Variants in RTTN observed in about 807,000 individuals in gnomAD.
The protein encoded by RTTN is rotatin.
A neutral mutation model predicts 269.2 loss-of-function variants in RTTN; 182 were observed. The ratio of observed to expected loss-of-function variants is 0.68; its 90% CI spans 0.60 to 0.76. The LOEUF is 0.76. Among genes scored for constraint, RTTN ranks in the 30% least tolerant of loss-of-function variants. RTTN has a pLI of 0.00. For synonymous variants in RTTN, 1,006 were observed against 963.5 expected (o/e 1.04, Z -0.82); for missense variants, 2,545 against 2,608.6 (o/e 0.98, Z 0.53).
intron 35 of RTTN, among the ~76,000 whole-genome samples, chr18:70,065,076 T>C (rs1415774757): frequency 6.6e-6 from 1 of 152,096 alleles, no homozygotes; most frequent in Non-Finnish European, 1.5e-5. Flanking sequence ...GTTTAGGAAA[T>C]TATTGGAACA....
At chr18:70,128,734 A>G (rs1349125786) in intron 23 of RTTN, 188 bp from the exon 24 acceptor site, 4 of 541,894 alleles carry the variant, frequency 7.4e-6, no homozygotes, top group East Asian at 6.1e-5. Flanking sequence ...CATCTCCTCT[A>G]AACTCCCCAG....
In RTTN at chr18:70,017,652, A is replaced by T; in HGVS notation, c.6176T>A (p.Leu2059His). The T allele has an allele frequency of 6.2e-7, 1 of 1,612,278 alleles. No homozygotes were observed. Among genetic ancestry groups the T allele is most frequent in the Non-Finnish European group, 8.5e-7 (1 of 1,179,074 alleles). ...IQKSNFLQNF[L>H]SLALPKGGNK... ...TCCTCCTTTTGGCAATGCTAGAGAGAGGAAGTTCTGTAAGAAGTTACTCTG... is the reference window on the plus strand; with the variant it reads ...TCCTCCTTTTGGCAATGCTAGAGAGTGGAAGTTCTGTAAGAAGTTACTCTG... The change falls in exon 46 of 49, where the codon CTC (leucine) becomes CAC (histidine). Residue 2059 changes from leucine to histidine, a missense_variant. By Grantham distance (99) the Leu-to-His change is moderately conservative. Coordinates refer to ENST00000640769, the MANE Select transcript of RTTN (RefSeq NM_173630.4).
chr18:70,190,219 CA>C (rs565249813), intron 9 of RTTN, among the ~76,000 whole-genome samples: 17 of 126,182 alleles, frequency 1.3e-4, no homozygotes, highest in East Asian at 2.2e-4. Context: ...CCATACAGTC[CA>C]AAAAAAAAAG....
chr18:70,097,343 C>A (rs961528312), intron 28 of RTTN, among the ~76,000 whole-genome samples: 1 of 152,162 alleles, frequency 6.6e-6, no homozygotes, highest in Non-Finnish European at 1.5e-5. Context: ...ATCATTTGGA[C>A]CAACAATGAC....
At chr18:70,193,164 G>A (rs1262246625) in intron 8 of RTTN, 124 bp downstream of exon 8, 1 of 898,920 alleles carries the variant, frequency 1.1e-6, no homozygotes, top group Non-Finnish European at 1.6e-6. Context: ...GCCTATACCT[G>A]TGTTAATGTT....
At chr18:70,093,505 G>A (rs2058910214) in intron 28 of RTTN, among the ~76,000 whole-genome samples, 1 of 152,082 alleles carries the variant, frequency 6.6e-6, no homozygotes, top group Non-Finnish European at 1.5e-5. Flanking sequence ...AGAATTTTTA[G>A]CATGAAGAGA....
rs954264911 is a variant in RTTN, at chr18:70,027,631, ATATT to A, written c.5823+1089_5823+1092del. ...AACTGCACATACACATGAAATTTAT[ATATT>A]TAAATTTACACACAAATACTGACTG... On this transcript the variant is annotated intron_variant, in intron 43 of 48. Coordinates refer to ENST00000640769, the MANE Select transcript of RTTN (RefSeq NM_173630.4). Among the ~76,000 whole-genome samples the A allele has an allele frequency of 7.2e-5, 11 of 152,334 alleles. 1 individual carries two copies. In the South Asian group the frequency reaches 1.7e-3, roughly 23 times the overall value.
intron 12 of RTTN, 99 bp downstream of exon 12, chr18:70,168,756 G>A (rs1317556719): frequency 9.1e-6 from 8 of 879,434 alleles, no homozygotes; most frequent in Admixed American, 7.2e-5. Flanking sequence ...TATCCCACCT[G>A]TGACAATTTA....
rs140389946 is a variant in RTTN at position 70,077,980 on chromosome 18, C to A, written c.4375-2439G>T. ...CAATTTCTGGAAAGATAAAATATAACACACAAAAAAAGGAAATTCATCTTA... is the reference window on the plus strand; with the variant it reads ...CAATTTCTGGAAAGATAAAATATAAAACACAAAAAAAGGAAATTCATCTTA... On this transcript the variant is annotated intron_variant, in intron 32 of 48. Coordinates refer to ENST00000640769, the MANE Select transcript of RTTN (RefSeq NM_173630.4). Among the ~76,000 whole-genome samples the A allele has an allele frequency of 2.2e-4, 33 of 151,316 alleles. No individual in the cohort carries two copies. In the East Asian group the frequency reaches 6.2e-3, roughly 29 times the overall value.
At chr18:70,189,843 T>G (rs910253738) in intron 9 of RTTN, among the ~76,000 whole-genome samples, 2 of 152,246 alleles carry the variant, frequency 1.3e-5, no homozygotes, top group African/African-American at 4.8e-5. Context: ...TCAGCAGACC[T>G]CTGTCATATT....
chr18:70,064,607 A>G (rs747479860), intron 35 of RTTN, among the ~76,000 whole-genome samples: 2 of 152,216 alleles, frequency 1.3e-5, no homozygotes, highest in Non-Finnish European at 2.9e-5. Context: ...ATATGATTCC[A>G]TTCATACAAA....
intron 23 of RTTN, among the ~76,000 whole-genome samples, chr18:70,132,383 C>T (rs2060020032): frequency 1.3e-5 from 2 of 151,928 alleles, no homozygotes; most frequent in Non-Finnish European, 2.9e-5. Context: ...TTTTAAAAAG[C>T]TGACCATATG....
At chr18:70,013,300 A>T (rs544836621) in intron 46 of RTTN, among the ~76,000 whole-genome samples, 2 of 147,012 alleles carry the variant, frequency 1.4e-5, no homozygotes, top group African/African-American at 5.4e-5. Flanking sequence ...AGAATATATA[A>T]CTCCTCTGAT....
chr18:70,016,507 G>A (rs1357826276), intron 46 of RTTN, among the ~76,000 whole-genome samples: 1 of 152,198 alleles, frequency 6.6e-6, no homozygotes. Context: ...CAGGTGTGTA[G>A]GGGTCTGGAG....
chr18:70,035,243 C>T (rs1408132098), intron 40 of RTTN, among the ~76,000 whole-genome samples: 1 of 152,142 alleles, frequency 6.6e-6, no homozygotes, highest in African/African-American at 2.4e-5. Context: ...AAAAAAGAGC[C>T]CAAATCGCCA....
chr18:70,005,226 C>T lies in RTTN; in HGVS notation c.6567G>A (p.Val2189=), dbSNP rs781435816. Residue 2189 remains valine, a synonymous_variant, in exon 48 of 49, where the codon GTG becomes GTA. Coordinates refer to ENST00000640769, the MANE Select transcript of RTTN (RefSeq NM_173630.4). ...ALKSPSVKRR[V]DEAYSLAKKT... ...TCTTTGCTAAGGAGTATGCTTCATCCACTCTTCTTTTTACTGATGGGCTTT... is the reference window on the plus strand; with the variant it reads ...TCTTTGCTAAGGAGTATGCTTCATCTACTCTTCTTTTTACTGATGGGCTTT... 148 of 1,612,368 alleles carry T rather than the reference C, an allele frequency of 9.2e-5. No homozygotes were observed. Among genetic ancestry groups the T allele is most frequent in the Non-Finnish European group, 1.2e-4 (146 of 1,179,150 alleles).
Position 70,051,470 on chromosome 18 carries a change from C to A in RTTN, c.5264G>T (p.Gly1755Val). 1 of 1,613,932 alleles carries A rather than the reference C, an allele frequency of 6.2e-7. No homozygotes were observed. Among genetic ancestry groups the A allele is most frequent in the Non-Finnish European group, 8.5e-7 (1 of 1,179,892 alleles). Reference protein sequence around the residue: ...NLLAMLLRKAGAITLPFVTVA... With the variant: ...NLLAMLLRKAVAITLPFVTVA... ...GGTAACAAACGGGAGTGTGATGGCA[C>A]CAGCTTTCCTCAGGAGCATGGCCAG... The change falls in exon 39 of 49, where the codon GGT (glycine) becomes GTT (valine). Residue 1755 changes from glycine (G) to valine (V), a missense_variant. Physicochemically the swap from Gly to Val is moderately radical, Grantham distance 109 (BLOSUM62 -3). Coordinates refer to ENST00000640769, the MANE Select transcript of RTTN (RefSeq NM_173630.4).
intron 17 of RTTN, among the ~76,000 whole-genome samples, chr18:70,148,147 G>C (rs1016045766): frequency 6.6e-6 from 1 of 152,012 alleles, no homozygotes; most frequent in African/African-American, 2.4e-5. Context: ...GTAAGGTTTG[G>C]GAAACACAAA....
intron 5 of RTTN, among the ~76,000 whole-genome samples, chr18:70,198,275 A>G (rs1328958826): frequency 6.6e-6 from 1 of 152,106 alleles, no homozygotes; most frequent in Admixed American, 6.5e-5. Flanking sequence ...CCCCAAAAAA[A>G]TCACACCCCT....
Sources: gnomAD v4.1 joint callset for allele counts (sites outside exome capture counted in the v4.1 genomes callset) on GRCh38, gnomAD v4.1.1 for gene constraint, MANE v1.5 for transcripts, NCBI Gene and HGNC (gene_info 2026-07-23, HGNC 2026-07-21) for gene names.